The following NCOR1 variants were observed in gnomAD, a reference collection of about 807,000 sequenced individuals.
NCOR1 encodes the protein nuclear receptor corepressor 1.
Under a neutral mutation model 288.1 loss-of-function variants are expected in NCOR1, and 63 were observed. The ratio of observed to expected loss-of-function variants is 0.22; its 90% CI spans 0.18 to 0.27. The LOEUF is 0.27. NCOR1 is among the 10% of genes least tolerant of loss of function. The pLI, the probability that NCOR1 is intolerant of heterozygous loss-of-function variation, is 1.00. For synonymous variants in NCOR1, 1,007 were observed against 1,065.9 expected, an observed-to-expected ratio of 0.94 and a Z score of 1.08; for missense variants, 2,397 against 3,019.2, an observed-to-expected ratio of 0.79 and a Z score of 4.83.
At chr17:16,033,359 A>C (rs866054112) in intron 45 of NCOR1, among the ~76,000 whole-genome samples, 36 of 151,136 alleles carry the variant, frequency 2.4e-4, no homozygotes, top group African/African-American at 7.8e-4. Context: ...AAAAAAACCC[A>C]AAAACATAAA....
chr17:16,159,832 T>G (rs545888144), intron 5 of NCOR1, among the ~76,000 whole-genome samples: 50 of 151,750 alleles, frequency 3.3e-4, no homozygotes, highest in Non-Finnish European at 4.4e-4. Flanking sequence ...TCTGGGTCCT[T>G]AGGTCAATCT....
chr17:16,075,110 C>T lies in NCOR1; in HGVS notation c.3670+424G>A, dbSNP rs139341494. On this transcript the variant is annotated intron_variant, in intron 27 of 45. Transcript: ENST00000268712. Reference sequence around the variant, plus strand: ...GTCTCGATCTCCTGACCTTGTGATCCGCCTGCCTCGGCCTCCCAAAGTACT... The same window carrying T: ...GTCTCGATCTCCTGACCTTGTGATCTGCCTGCCTCGGCCTCCCAAAGTACT... Among the ~76,000 whole-genome samples the T allele has an allele frequency of 8.7e-4, 132 of 152,270 alleles. 1 individual carries two copies. In the East Asian group the frequency reaches 0.019, roughly 22 times the overall value.
intron 22 of NCOR1, among the ~76,000 whole-genome samples, chr17:16,091,274 G>A (rs2065135195): frequency 6.6e-6 from 1 of 152,214 alleles, no homozygotes; most frequent in Non-Finnish European, 1.5e-5. Context: ...AGAGCCACCT[G>A]TTATATAACA....
intron 40 of NCOR1, among the ~76,000 whole-genome samples, chr17:16,054,859 G>C (rs2059732842): frequency 6.6e-6 from 1 of 152,176 alleles, no homozygotes; most frequent in African/African-American, 2.4e-5. Flanking sequence ...TTGAACCTGG[G>C]AGGTGGAGGT....
chr17:16,058,597 A>ATCT lies in NCOR1; in HGVS notation c.5883_5884insAGA (p.Leu1961_Ser1962insArg), dbSNP rs2060194298. 6.3e-7 allele frequency: 1 copy of ATCT among 1,588,692 alleles called. No individual in the cohort carries two copies. The highest frequency in any genetic ancestry group is 8.6e-7 in the Non-Finnish European group (1 of 1,169,070). ...CTAGGTGTTTCATACCTGTGAGAAG[A>ATCT]TACTTTAAGAAAAGAAAATCTTATT... On this transcript the variant is annotated inframe_insertion and splice_region_variant, in exon 38 of 46. Transcript: ENST00000268712.
intron 27 of NCOR1, 126 bp downstream of exon 27, chr17:16,075,408 C>T (rs1364473597): frequency 9.5e-7 from 1 of 1,048,454 alleles, no homozygotes; most frequent in African/African-American, 1.6e-5. Flanking sequence ...ACCCCATTTA[C>T]TGAGAGAAAA....
intron 20 of NCOR1, among the ~76,000 whole-genome samples, chr17:16,099,604 T>C (rs934377561): frequency 8.5e-5 from 13 of 152,192 alleles, no homozygotes; most frequent in African/African-American, 3.1e-4. Flanking sequence ...TCCTACCTAA[T>C]TTTTCCTTCA....
chr17:16,102,352 G>A (rs967354899), intron 19 of NCOR1, among the ~76,000 whole-genome samples: 2 of 151,822 alleles, frequency 1.3e-5, no homozygotes, highest in African/African-American at 2.4e-5. Flanking sequence ...GTGCGATCTC[G>A]GCTCACTGCA....
At chr17:16,180,402 A>G (rs534699917) in intron 3 of NCOR1, among the ~76,000 whole-genome samples, 2 of 152,280 alleles carry the variant, frequency 1.3e-5, no homozygotes, top group East Asian at 3.9e-4. Flanking sequence ...ACTACTATAG[A>G]CCCAGCAATC....
chr17:16,187,334 T>C (rs2086873026), intron 2 of NCOR1, among the ~76,000 whole-genome samples: 1 of 151,504 alleles, frequency 6.6e-6, no homozygotes, highest in African/African-American at 2.4e-5. Flanking sequence ...GAATTACAAG[T>C]ATATAAAACC....
At chr17:16,135,940 G>A (rs902087756) in intron 14 of NCOR1, among the ~76,000 whole-genome samples, 2 of 152,156 alleles carry the variant, frequency 1.3e-5, no homozygotes, top group East Asian at 1.9e-4. Context: ...CTAATGAATC[G>A]TTGCAGTGTC....
intron 28 of NCOR1, 64 bp from the exon 29 acceptor site, chr17:16,072,292 A>G: frequency 8.2e-7 from 1 of 1,217,088 alleles, no homozygotes; most frequent in East Asian, 2.4e-5. Flanking sequence ...ACATATACTG[A>G]ATGCTGTTCT....
rs2152473285 is a variant in NCOR1 at position 16,048,918 on chromosome 17, C to T, written c.6463G>A (p.Val2155Ile). 2 of 1,613,926 alleles carry T rather than the reference C, an allele frequency of 1.2e-6. No individual in the cohort carries two copies. The highest frequency in any genetic ancestry group is 1.7e-6 in the Non-Finnish European group (2 of 1,179,910). The change falls in exon 41 of 46, where the codon GTT (valine) becomes ATT (isoleucine). Residue 2155 changes from valine (V) to isoleucine (I), a missense_variant. Physicochemically the swap from Val to Ile is conservative, Grantham distance 29. Transcript: ENST00000268712. ...TCCTGTTTCTCATGCACAACCGGAACCTGGGGTGGGGAGATGGGCTCGTAG... is the reference window on the plus strand; with the variant it reads ...TCCTGTTTCTCATGCACAACCGGAATCTGGGGTGGGGAGATGGGCTCGTAG... Reference protein sequence around the residue: ...EPYEPISPPQVPVVHEKQDSL... With the variant: ...EPYEPISPPQIPVVHEKQDSL...
At chr17:16,206,122 A>G (rs572800923) in intron 1 of NCOR1, among the ~76,000 whole-genome samples, 1 of 152,066 alleles carries the variant, frequency 6.6e-6, no homozygotes, top group Non-Finnish European at 1.5e-5. Context: ...TACTACTGGT[A>G]GCTTTACAAA....
At chr17:16,042,119 C>T (rs2057819643) in intron 42 of NCOR1, among the ~76,000 whole-genome samples, 1 of 150,810 alleles carries the variant, frequency 6.6e-6, no homozygotes, top group South Asian at 2.1e-4. Flanking sequence ...AGTGCATGTG[C>T]CTAGAAACAA....
At chr17:16,213,706 T>C (rs922975426) in intron 1 of NCOR1, among the ~76,000 whole-genome samples, 2 of 152,124 alleles carry the variant, frequency 1.3e-5, no homozygotes, top group Admixed American at 6.6e-5. Flanking sequence ...TAACTCCCTT[T>C]AGGCTCACAA....
intron 26 of NCOR1, among the ~76,000 whole-genome samples, chr17:16,077,873 G>T (rs2062799254): frequency 6.6e-6 from 1 of 152,130 alleles, no homozygotes; most frequent in African/African-American, 2.4e-5. Flanking sequence ...ATAAAAATAA[G>T]ATGATAAAGT....
chr17:16,210,848 G>A (rs1466402059), intron 1 of NCOR1, among the ~76,000 whole-genome samples: 1 of 151,776 alleles, frequency 6.6e-6, no homozygotes, highest in Non-Finnish European at 1.5e-5. Flanking sequence ...TCCTGCCTCA[G>A]CCTCCCGAGT....
intron 22 of NCOR1, among the ~76,000 whole-genome samples, chr17:16,090,153 C>T (rs2064949838): frequency 6.6e-6 from 1 of 152,034 alleles, no homozygotes; most frequent in African/African-American, 2.4e-5. Flanking sequence ...TTCCCAAATA[C>T]AACTCATTTT....
Sources: allele counts gnomAD v4.1 joint callset (sites outside exome capture counted in the v4.1 genomes callset), GRCh38; gene constraint gnomAD v4.1.1; transcripts MANE v1.5; gene names NCBI Gene and HGNC (gene_info 2026-07-23, HGNC 2026-07-21).